The following SNRNP200 variants were observed in gnomAD, a reference collection of about 807,000 sequenced individuals.
The protein encoded by SNRNP200 is U5 small nuclear ribonucleoprotein 200 kDa helicase.
In SNRNP200, 66 loss-of-function variants were observed where a neutral mutation model predicts 255.2. That is an observed-to-expected ratio of 0.26 (90% CI 0.21 to 0.32). SNRNP200 has a LOEUF of 0.32. Ranked by LOEUF, SNRNP200 falls within the 10% of genes least tolerant of loss-of-function variation. The pLI, the probability that SNRNP200 is intolerant of heterozygous loss-of-function variation, is 1.00. For missense variants in SNRNP200, 1,585 were observed against 2,749.8 expected, an observed-to-expected ratio of 0.58 and a Z score of 9.47; for synonymous variants, 939 against 1,027.8, an observed-to-expected ratio of 0.91 and a Z score of 1.65.
chr2:96,304,317 A>C (rs1432924733), intron 2 of SNRNP200, among the ~76,000 whole-genome samples: 2 of 152,198 alleles, frequency 1.3e-5, no homozygotes, highest in Non-Finnish European at 2.9e-5. Context: ...TGGATGCTTA[A>C]ATTAGTTTGT....
intron 31 of SNRNP200, 75 bp downstream of exon 31, chr2:96,284,283 C>T (rs1657946870): frequency 8.2e-6 from 11 of 1,338,058 alleles, no homozygotes; most frequent in Non-Finnish European, 1.1e-5. Flanking sequence ...GTCCTCAGAC[C>T]CAAACATTAG....
At chr2:96,289,747 G>A in intron 21 of SNRNP200, 52 bp downstream of exon 21, 3 of 1,582,144 alleles carry the variant, frequency 1.9e-6, no homozygotes, top group Non-Finnish European at 8.7e-7. Flanking sequence ...ATTTTTTCCT[G>A]GGCCAACAAC....
At chr2:96,304,587 C>A in intron 2 of SNRNP200, 118 bp downstream of exon 2, 1 of 1,392,702 alleles carries the variant, frequency 7.2e-7, no homozygotes, top group African/African-American at 1.4e-5. Context: ...TTTACCTTCA[C>A]TGAATTGTTT....
At chr2:96,292,864 T>C in intron 16 of SNRNP200, 108 bp downstream of exon 16, 3 of 1,334,810 alleles carry the variant, frequency 2.2e-6, no homozygotes, top group Non-Finnish European at 3.2e-6. Context: ...TATTGGTGAT[T>C]TATGTTGTGT....
In SNRNP200 at chr2:96,274,864, G is replaced by T; in HGVS notation, c.*148C>A. 1 of 833,148 alleles carries T rather than the reference G, an allele frequency of 1.2e-6. No homozygotes were observed. The highest frequency in any genetic ancestry group is 2.1e-6 in the Non-Finnish European group (1 of 486,784). 51.6% of individuals were successfully genotyped at this position (833,148 alleles called of 1,614,324 possible). A position where few individuals can be genotyped will look rare whatever the true frequency, so the allele number is the denominator to read the frequency against. ...CTGGATCCAGAGTGAGCAAGGGAAA[G>T]GAAGTGGAGGTAGGCGGGGACAGCA... On this transcript the variant is annotated 3_prime_UTR_variant, in exon 45 of 45. Transcript: ENST00000323853.
intron 13 of SNRNP200, among the ~76,000 whole-genome samples, chr2:96,296,068 G>A (rs1558770145): frequency 6.6e-6 from 1 of 152,110 alleles, no homozygotes; most frequent in East Asian, 1.9e-4. Flanking sequence ...GGGAAGTTAA[G>A]GCTGCAGTGA....
intron 21 of SNRNP200, 60 bp from the exon 22 acceptor site, chr2:96,289,439 TG>T: frequency 6.4e-7 from 1 of 1,573,192 alleles, no homozygotes; most frequent in Non-Finnish European, 8.7e-7. Context: ...CCTCTAACTG[TG>T]GACCATAAGT....
Position 96,277,698 on chromosome 2 carries a change from C to A in SNRNP200, c.5772G>T (p.Gln1924His), listed in dbSNP as rs1025705707. ...TGCTGGAAAGGACATCCACGCAGGC[C>A]TGGATGAGCCGGATTGCCTGAACAG... ...EILSKAIRLI[Q>H]ACVDVLSSNG... Residue 1924 changes from glutamine (Q) to histidine (H), a missense_variant, in exon 41 of 45, where the codon CAG becomes CAT. Coordinates refer to ENST00000323853, the MANE Select transcript of SNRNP200 (RefSeq NM_014014.5). This position sits in a 1 kb window ranked among gnomAD's most constrained non-coding sequence, Gnocchi z 4.4. 6 of 1,614,118 alleles carry A rather than the reference C, an allele frequency of 3.7e-6. No homozygotes were observed. Among genetic ancestry groups the A allele is most frequent in the Non-Finnish European group, 5.1e-6 (6 of 1,180,036 alleles).
chr2:96,296,293 T>C (rs2063916258), intron 13 of SNRNP200, among the ~76,000 whole-genome samples: 1 of 152,178 alleles, frequency 6.6e-6, no homozygotes, highest in Non-Finnish European at 1.5e-5. Context: ...AAAATTGCCA[T>C]GGAGAGGATG....
Position 96,289,915 on chromosome 2 carries a change from C to T in SNRNP200, c.2824G>A (p.Asp942Asn). ...SPTLYGISHDDLKGDPLLDQR... is the reference protein window; with the variant it reads ...SPTLYGISHDNLKGDPLLDQR... The stretch of plus-strand genomic sequence containing the variant: ...TCCAGCAGGGGATCTCCCTTGAGGT[C>T]ATCATGAGAGATGCCATAGAGGGTT... The change falls in exon 21 of 45, where the codon GAC (aspartate) becomes AAC (asparagine). Residue 942 changes from aspartate (D) to asparagine (N), a missense_variant. Asp to Asn is a conservative substitution (Grantham distance 23). This residue lies in a region of SNRNP200 where 719 missense variants were observed against 1,091.1 expected (regional missense o/e 0.66). Transcript: ENST00000323853. The T allele has an allele frequency of 1.2e-6, 2 of 1,614,120 alleles. No individual in the cohort carries two copies. Among genetic ancestry groups the T allele is most frequent in the Non-Finnish European group, 1.7e-6 (2 of 1,180,028 alleles).
intron 24 of SNRNP200, 83 bp downstream of exon 24, chr2:96,288,577 GCCT>G: frequency 8.3e-7 from 1 of 1,209,910 alleles, no homozygotes; most frequent in Non-Finnish European, 1.2e-6. Context: ...CTAGGGTCGG[GCCT>G]CCTTTCCCCA....
rs554802345 is a variant in SNRNP200, at chr2:96,294,071, G to A, written c.1843-562C>T. On this transcript the variant is annotated intron_variant, in intron 14 of 44. Coordinates refer to ENST00000323853, the MANE Select transcript of SNRNP200 (RefSeq NM_014014.5). ...ACCCCAACCATGGATCAGGCTTCAA[G>A]TAGCAAAGCTCTAAAGCAGGGACCA... is the stretch of plus-strand genomic sequence containing the variant. Among the ~76,000 whole-genome samples, 314 of 146,816 alleles carry A rather than the reference G, an allele frequency of 2.1e-3. 2 individuals are homozygous for A. The highest frequency in any genetic ancestry group is 4.6e-3 in the Admixed American group (66 of 14,322).
chr2:96,289,269 G>T lies in SNRNP200; in HGVS notation c.3051C>A (p.Val1017=). Residue 1017 remains valine, a synonymous_variant, in exon 22 of 45, where the codon GTC becomes GTA. Transcript: ENST00000323853. The part of the protein sequence containing the change: ...PTLSEIELFR[V]FSLSSEFKNI... ...TCTTGAACTCAGAGGACAATGAGAA[G>T]ACCCTGAAAAGCTCAATCTCACTCA... 1 of 1,614,192 alleles carries T rather than the reference G, an allele frequency of 6.2e-7. No individual in the cohort carries two copies. The highest frequency in any genetic ancestry group is 1.1e-5 in the South Asian group (1 of 91,086).
intron 34 of SNRNP200, 186 bp from the exon 35 acceptor site, chr2:96,282,108 G>C (rs557520169): frequency 6.8e-6 from 4 of 590,104 alleles, no homozygotes; most frequent in Non-Finnish European, 9.2e-6. Flanking sequence ...CACGCTGCTG[G>C]TGCCTTGCTC....
intron 35 of SNRNP200, chr2:96,281,448 C>A (rs771772717): frequency 6.1e-6 from 2 of 326,736 alleles, no homozygotes; most frequent in Non-Finnish European, 1.2e-5. Flanking sequence ...GGATTACAGG[C>A]ATGAGCCACT....
At chr2:96,298,449 TGAG>T (rs1419785271) in intron 8 of SNRNP200, 29 bp from the exon 9 acceptor site, 1 of 1,613,556 alleles carries the variant, frequency 6.2e-7, no homozygotes, top group South Asian at 1.1e-5. Context: ...ACAAAGGAAG[TGAG>T]GAGGAGGAAA....
Position 96,291,602 on chromosome 2 carries a change from T to C in SNRNP200, c.2311-100A>G, listed in dbSNP as rs1573996340. ...ATGAGACCCTGCCCCTTAACTATTATGTGGAATAGTAATAATCACATCCAG... is the reference window on the plus strand; with the variant it reads ...ATGAGACCCTGCCCCTTAACTATTACGTGGAATAGTAATAATCACATCCAG... On this transcript the variant is annotated intron_variant, in intron 17 of 44. Coordinates refer to ENST00000323853, the MANE Select transcript of SNRNP200 (RefSeq NM_014014.5). The surrounding 1 kb of genome is among the most constrained non-coding windows in gnomAD (Gnocchi z 4.2). 6.5e-6 allele frequency: 8 copies of C among 1,222,744 alleles called. No homozygotes were observed. Among genetic ancestry groups the C allele is most frequent in the Non-Finnish European group, 8.5e-6 (7 of 827,774 alleles). 75.7% of individuals were successfully genotyped at this position (1,222,744 alleles called of 1,614,324 possible). A position where few individuals can be genotyped will look rare whatever the true frequency, so the allele number is the denominator to read the frequency against.
chr2:96,278,670 C>G lies in SNRNP200; in HGVS notation c.5365G>C (p.Val1789Leu). Residue 1789 changes from valine (V) to leucine (L), a missense_variant, in exon 38 of 45, where the codon GTG becomes CTG. Val to Leu is a conservative substitution (Grantham distance 32). Coordinates refer to ENST00000323853, the MANE Select transcript of SNRNP200 (RefSeq NM_014014.5). The surrounding 1 kb of genome is among the most constrained non-coding windows in gnomAD (Gnocchi z 6.9). The part of the protein sequence containing the change: ...RHLSDHLSEL[V>L]EQTLSDLEQS... ...TCCAGGTCACTCAGGGTCTGCTCCACCAGCTCTGACAAGTGGTCCGACAAG... is the reference window on the plus strand; with the variant it reads ...TCCAGGTCACTCAGGGTCTGCTCCAGCAGCTCTGACAAGTGGTCCGACAAG... 1 of 1,614,200 alleles carries G rather than the reference C, an allele frequency of 6.2e-7. No homozygotes were observed. The highest frequency in any genetic ancestry group is 8.5e-7 in the Non-Finnish European group (1 of 1,180,040).
At position 96,287,776 on chromosome 2, in the gene SNRNP200, C is replaced by G; in HGVS notation, c.3365+87G>C. The G allele has an allele frequency of 8.6e-7, 1 of 1,158,074 alleles. No individual in the cohort carries two copies. 71.7% of individuals were successfully genotyped at this position (1,158,074 alleles called of 1,614,324 possible). ...TACTTCCGATGTCAGGTCTGGAGAT[C>G]AGATGCACCCTGAGGCTTTCCCATC... On this transcript the variant is annotated intron_variant, in intron 25 of 44. Transcript: ENST00000323853. The surrounding 1 kb of genome is among the most constrained non-coding windows in gnomAD (Gnocchi z 5.7).
Sources: allele counts gnomAD v4.1 joint callset (sites outside exome capture counted in the v4.1 genomes callset), GRCh38; gene constraint gnomAD v4.1.1; regional missense constraint gnomAD v4.1.1; non-coding constraint Gnocchi (gnomAD v3.1); transcripts MANE v1.5; gene names NCBI Gene and HGNC (gene_info 2026-07-23, HGNC 2026-07-21).